The following SIK2 variants were observed in gnomAD, a reference collection of about 807,000 sequenced individuals.
SIK2 encodes the protein serine/threonine-protein kinase SIK2.
A neutral mutation model predicts 103.2 loss-of-function variants in SIK2; 29 were observed. That is an observed-to-expected ratio of 0.28 (90% CI 0.21 to 0.38). The LOEUF (loss-of-function observed/expected upper bound fraction) is 0.38. Among genes scored for constraint, SIK2 ranks in the 10% least tolerant of loss-of-function variants. SIK2 has a pLI of 1.00. For synonymous variants in SIK2, 412 were observed against 446.1 expected (o/e 0.92, Z 0.96); for missense variants, 879 against 1,171.0 (o/e 0.75, Z 3.64).
intron 3 of SIK2, among the ~76,000 whole-genome samples, chr11:111,624,194 A>G (rs1051783427): frequency 6.6e-6 from 1 of 152,242 alleles, no homozygotes; most frequent in Non-Finnish European, 1.5e-5. Flanking sequence ...ATGCACTTCT[A>G]TAGTTTTGAA....
intron 3 of SIK2, among the ~76,000 whole-genome samples, chr11:111,650,172 T>C (rs1443431838): frequency 1.3e-5 from 2 of 152,138 alleles, no homozygotes; most frequent in East Asian, 3.9e-4. Context: ...TTAGATACAT[T>C]TTAAATCTTA....
intron 3 of SIK2, among the ~76,000 whole-genome samples, chr11:111,681,935 G>T (rs1942782955): frequency 6.6e-6 from 1 of 152,106 alleles, no homozygotes; most frequent in African/African-American, 2.4e-5. Context: ...TGAAAACTCA[G>T]GCTCTTTCCA....
At chr11:111,610,797 T>C (rs2135830736) in intron 1 of SIK2, among the ~76,000 whole-genome samples, 1 of 152,326 alleles carries the variant, frequency 6.6e-6, no homozygotes, top group South Asian at 2.1e-4. Context: ...ATAACTGTCA[T>C]TGTTCTGGGT....
intron 3 of SIK2, among the ~76,000 whole-genome samples, chr11:111,652,613 G>T (rs1185720705): frequency 1.3e-5 from 2 of 152,118 alleles, no homozygotes; most frequent in African/African-American, 2.4e-5. Context: ...GATTCAGAAG[G>T]CCTTGATTAG....
In SIK2 at chr11:111,723,997, C is replaced by T. The variant is rs1565400346; in HGVS notation, c.2649C>T (p.Pro883=). The T allele has an allele frequency of 6.2e-7, 1 of 1,614,190 alleles. No homozygotes were observed. The part of the protein sequence containing the change: ...QQSDLTGPDC[P]RSPGLQEAPS... ...GCGACCTAACGGGGCCAGACTGTCC[C>T]AGAAGCCCAGGACTGCAAGAGGCCC... The change falls in exon 15 of 15, where the codon CCC becomes CCT. Residue 883 remains proline, a synonymous_variant. Coordinates refer to ENST00000304987, the MANE Select transcript of SIK2 (RefSeq NM_015191.3).
At chr11:111,675,954 C>G (rs950068499) in intron 3 of SIK2, among the ~76,000 whole-genome samples, 6 of 152,274 alleles carry the variant, frequency 3.9e-5, no homozygotes, top group African/African-American at 1.2e-4. Flanking sequence ...TTCTTTGTGT[C>G]CCTGTGTACT....
rs1363803073 is a variant in SIK2, at chr11:111,628,414, A to ATATC, written c.316+8014_316+8017dup. Among the ~76,000 whole-genome samples, 169 of 46,942 alleles carry ATATC rather than the reference A, an allele frequency of 3.6e-3. 1 individual carries two copies. The highest frequency in any genetic ancestry group is 0.01 in the South Asian group (8 of 784). 30.8% of individuals were successfully genotyped at this position (46,942 alleles called of 152,430 possible). On this transcript the variant is annotated intron_variant, in intron 3 of 14. Transcript: ENST00000304987. ...CTCCTCTTTAGAGGCAACCGCTTTC[A>ATATC]TATCTTTCTTTCTTTCTTTCTTTCT...
chr11:111,622,012 C>G (rs1168754072), intron 3 of SIK2, among the ~76,000 whole-genome samples: 1 of 151,630 alleles, frequency 6.6e-6, no homozygotes, highest in Admixed American at 6.6e-5. Flanking sequence ...TTTTATAAAA[C>G]ATAATACAGT....
chr11:111,622,247 C>CTTTTTTTTTT (rs71057079), intron 3 of SIK2, among the ~76,000 whole-genome samples: 1 of 61,454 alleles, frequency 1.6e-5, no homozygotes, highest in Non-Finnish European at 2.7e-5. Flanking sequence ...ATTTTCTTTT[C>CTTTTTTTTTT]TTTTTTTTTT....
In SIK2 at chr11:111,725,654, C is replaced by T. The variant is rs1420519337; in HGVS notation, c.*1525C>T. ...CTTCCTTAAAGCACAAAGAGAGGGA[C>T]TAACTGATGCTGCATCTAGAAAACA... On this transcript the variant is annotated 3_prime_UTR_variant, in exon 15 of 15. Transcript: ENST00000304987. The T allele has an allele frequency of 6.5e-6, 1 of 152,698 alleles. No individual in the cohort carries two copies. The highest frequency in any genetic ancestry group is 1.5e-5 in the Non-Finnish European group (1 of 68,050). 9.5% of individuals were successfully genotyped at this position (152,698 alleles called of 1,614,324 possible).
chr11:111,692,607 T>A (rs1375115013), intron 4 of SIK2, among the ~76,000 whole-genome samples: 1 of 152,142 alleles, frequency 6.6e-6, no homozygotes, highest in Non-Finnish European at 1.5e-5. Flanking sequence ...TGGATTCCAA[T>A]GTCTTTAAAG....
chr11:111,657,315 T>C (rs951068572), intron 3 of SIK2, among the ~76,000 whole-genome samples: 1 of 152,214 alleles, frequency 6.6e-6, no homozygotes, highest in Non-Finnish European at 1.5e-5. Context: ...TTTGAGGTGA[T>C]TTTGCATATG....
chr11:111,632,377 G>A (rs567758347), intron 3 of SIK2, among the ~76,000 whole-genome samples: 1 of 152,204 alleles, frequency 6.6e-6, no homozygotes, highest in East Asian at 1.9e-4. Flanking sequence ...TGCTTTTGGG[G>A]TAAAGTCCAG....
intron 2 of SIK2, among the ~76,000 whole-genome samples, chr11:111,618,715 T>G (rs2135838530): frequency 1.3e-5 from 2 of 152,238 alleles, no homozygotes; most frequent in South Asian, 4.2e-4. Context: ...ACTTCTCCCT[T>G]TAAACTTAAA....
At chr11:111,708,372 G>A (rs1477461294) in intron 8 of SIK2, among the ~76,000 whole-genome samples, 2 of 151,956 alleles carry the variant, frequency 1.3e-5, no homozygotes, top group African/African-American at 4.8e-5. Context: ...ACACAGTGAG[G>A]TTCTGTCCCA....
chr11:111,694,220 C>CTCTCGGCA (rs1187286509), intron 4 of SIK2, among the ~76,000 whole-genome samples: 1 of 152,136 alleles, frequency 6.6e-6, no homozygotes, highest in African/African-American at 2.4e-5. Context: ...CCATATAACC[C>CTCTCGGCA]TCTCGGCATG....
At chr11:111,667,343 G>A (rs952844036) in intron 3 of SIK2, among the ~76,000 whole-genome samples, 17 of 152,112 alleles carry the variant, frequency 1.1e-4, no homozygotes, top group Non-Finnish European at 2.1e-4. Context: ...CCTAAAAGGT[G>A]TGTGATGAAA....
intron 3 of SIK2, among the ~76,000 whole-genome samples, chr11:111,621,173 G>A (rs1330158102): frequency 6.6e-6 from 1 of 152,318 alleles, no homozygotes; most frequent in East Asian, 1.9e-4. Flanking sequence ...AGTCACCACA[G>A]TCAAAATATC....
chr11:111,647,235 A>G (rs994085695), intron 3 of SIK2, among the ~76,000 whole-genome samples: 3 of 152,218 alleles, frequency 2.0e-5, no homozygotes, highest in African/African-American at 7.2e-5. Context: ...ATTACCATGA[A>G]TATCCTTGAA....
Sources: allele counts gnomAD v4.1 joint callset (sites outside exome capture counted in the v4.1 genomes callset), GRCh38; gene constraint gnomAD v4.1.1; transcripts MANE v1.5; gene names NCBI Gene and HGNC (gene_info 2026-07-23, HGNC 2026-07-21).